FLNB: variants seen among roughly 807,000 people sequenced by gnomAD.
FLNB encodes the protein filamin B, also known as filamin-B.
In FLNB, 111 loss-of-function variants were observed where a neutral mutation model predicts 250.6. The observed-to-expected ratio is 0.44, with a 90% confidence interval of 0.38 to 0.52. The LOEUF is 0.52. FLNB is among the 20% of genes least tolerant of loss of function. The pLI is 0.00. For synonymous variants in FLNB, 1,302 were observed against 1,372.1 expected (o/e 0.95, Z 1.13); for missense variants, 2,869 against 3,447.8 (o/e 0.83, Z 4.20).
At position 58,123,702 on chromosome 3, in the gene FLNB, TTAAAAAAAA is replaced by T; in HGVS notation, c.3724+13_3724+21del. 1 of 1,406,662 alleles carries T rather than the reference TTAAAAAAAA, an allele frequency of 7.1e-7. No individual in the cohort carries two copies. The highest frequency in any genetic ancestry group is 9.4e-7 in the Non-Finnish European group (1 of 1,058,462). The allele number at this position is 1,406,662 out of a possible 1,614,324, so 87.1% of individuals were successfully genotyped here. A position where few individuals can be genotyped will look rare whatever the true frequency, so the allele number is the denominator to read the frequency against. On this transcript the variant is annotated intron_variant, in intron 21 of 45. Transcript: ENST00000295956. ...AATAGAAGGGAAAGGTGGGTTTCAT[TTAAAAAAAA>T]AAAAAAAAAAAAAAAGACAAGCTGG...
intron 16 of FLNB, among the ~76,000 whole-genome samples, chr3:58,110,750 A>G (rs1326940546): frequency 6.6e-6 from 1 of 152,136 alleles, no homozygotes; most frequent in Admixed American, 6.5e-5. Context: ...CTGGCCACTC[A>G]GCTAATTGTT....
At chr3:58,056,277 T>C (rs767713052) in intron 1 of FLNB, among the ~76,000 whole-genome samples, 4 of 151,714 alleles carry the variant, frequency 2.6e-5, no homozygotes, top group Non-Finnish European at 4.4e-5. Flanking sequence ...AATTTTTGTA[T>C]TTTTAATAGA....
intron 1 of FLNB, among the ~76,000 whole-genome samples, chr3:58,011,489 AG>A (rs1229044449): frequency 2.0e-5 from 3 of 152,152 alleles, no homozygotes; most frequent in African/African-American, 7.2e-5. Flanking sequence ...TGCAACAAAC[AG>A]GTTTTCCAGC....
chr3:58,093,467 T>C lies in FLNB; in HGVS notation c.788-1369T>C, dbSNP rs147549602. Reference sequence around the variant, plus strand: ...TAAGCTTCTGATCATGACTTGGTCTTTCTGTTGATTAGCCACATCTTGAAA... The same window carrying C: ...TAAGCTTCTGATCATGACTTGGTCTCTCTGTTGATTAGCCACATCTTGAAA... On this transcript the variant is annotated intron_variant, in intron 4 of 45. Transcript: ENST00000295956. Among the ~76,000 whole-genome samples the C allele has an allele frequency of 4.6e-5, 7 of 152,306 alleles. No individual in the cohort carries two copies. In the East Asian group the frequency reaches 1.3e-3, roughly 29 times the overall value.
At chr3:58,131,327 A>G (rs1162081514) in intron 25 of FLNB, among the ~76,000 whole-genome samples, 3 of 152,232 alleles carry the variant, frequency 2.0e-5, no homozygotes, top group Non-Finnish European at 2.9e-5. Flanking sequence ...TGCCAGGCAC[A>G]TGATGCACGT....
chr3:58,045,999 C>CA (rs34327981), intron 1 of FLNB, among the ~76,000 whole-genome samples: 4,784 of 68,664 alleles, frequency 0.07, 234 homozygotes, highest in East Asian at 0.36. Flanking sequence ...ACTCCGTCTC[C>CA]AAAAAAAAAA....
intron 25 of FLNB, among the ~76,000 whole-genome samples, chr3:58,131,376 AG>A (rs1308562473): frequency 6.6e-6 from 1 of 152,074 alleles, no homozygotes; most frequent in African/African-American, 2.4e-5. Context: ...CCCCAGAGAG[AG>A]AGTGTGTCTT....
chr3:58,008,457 T>A lies in FLNB; in HGVS notation c.-108T>A. Reference sequence around the variant, plus strand: ...CGGCCGTGGCTCCGGTAGCAGCAAGTTCGAACCCCGCTCCCGCTCCGCTTC... The same window carrying A: ...CGGCCGTGGCTCCGGTAGCAGCAAGATCGAACCCCGCTCCCGCTCCGCTTC... On this transcript the variant is annotated 5_prime_UTR_variant, in exon 1 of 46. Transcript: ENST00000295956. 7.3e-7 allele frequency: 1 copy of A among 1,362,440 alleles called. No homozygotes were observed. Among genetic ancestry groups the A allele is most frequent in the East Asian group, 2.5e-5 (1 of 39,984 alleles). The allele number at this position is 1,362,440 out of a possible 1,614,324, so 84.4% of individuals were successfully genotyped here. A position where few individuals can be genotyped will look rare whatever the true frequency, so the allele number is the denominator to read the frequency against.
At chr3:58,159,525 A>G (rs1279030241) in intron 41 of FLNB, 29 bp from the exon 42 acceptor site, 1 of 1,613,652 alleles carries the variant, frequency 6.2e-7, no homozygotes, top group Non-Finnish European at 8.5e-7. Context: ...GCCGAGGGCC[A>G]TAACCTGTCT....
Position 58,136,032 on chromosome 3 carries a change from G to C in FLNB, c.4725G>C (p.Thr1575=), listed in dbSNP as rs762930994. The part of the protein sequence containing the change: ...RAIVHDNKDG[T]YAVTYIPDKT... Reference sequence around the variant, plus strand: ...TTGTCCATGACAATAAAGATGGCACGTATGCTGTCACCTACATCCCCGACA... The same window carrying C: ...TTGTCCATGACAATAAAGATGGCACCTATGCTGTCACCTACATCCCCGACA... Residue 1575 remains threonine, a synonymous_variant, in exon 28 of 46, where the codon ACG becomes ACC. Transcript: ENST00000295956. 2 of 1,614,100 alleles carry C rather than the reference G, an allele frequency of 1.2e-6. No individual in the cohort carries two copies. The highest frequency in any genetic ancestry group is 1.7e-6 in the Non-Finnish European group (2 of 1,180,048).
At chr3:58,168,230 C>T (rs903567020) in intron 43 of FLNB, among the ~76,000 whole-genome samples, 1 of 152,188 alleles carries the variant, frequency 6.6e-6, no homozygotes, top group Non-Finnish European at 1.5e-5. Context: ...CAGCCATGCT[C>T]CTCCTGCCTT....
chr3:58,137,127 T>G (rs2097317544), intron 28 of FLNB, among the ~76,000 whole-genome samples: 1 of 151,918 alleles, frequency 6.6e-6, no homozygotes, highest in South Asian at 2.1e-4. Flanking sequence ...TACTTCTTTT[T>G]AAATAAGAAG....
chr3:58,023,007 G>T (rs2097116321), intron 1 of FLNB, among the ~76,000 whole-genome samples: 1 of 151,414 alleles, frequency 6.6e-6, no homozygotes, highest in Non-Finnish European at 1.5e-5. Context: ...GTAGAGACGG[G>T]GTTTCACCAT....
rs568851497 is a variant in FLNB at position 58,170,795 on chromosome 3, G to A, written c.*33G>A. ...TTCTCAAATCCTGGAGAGAGTTCTT[G>A]TGGTTGCTTTTGTTGCTTGTTTGTA... On this transcript the variant is annotated 3_prime_UTR_variant, in exon 46 of 46. Coordinates refer to ENST00000295956, the MANE Select transcript of FLNB (RefSeq NM_001457.4). 1.3e-6 allele frequency: 2 copies of A among 1,599,978 alleles called. No homozygotes were observed. Among genetic ancestry groups the A allele is most frequent in the African/African-American group, 2.7e-5 (2 of 74,808 alleles).
intron 5 of FLNB, among the ~76,000 whole-genome samples, 164 bp from the exon 6 acceptor site, chr3:58,095,977 A>T (rs574163893): frequency 6.6e-6 from 1 of 152,164 alleles, no homozygotes; most frequent in Non-Finnish European, 1.5e-5. Context: ...TGTTTCTGTG[A>T]CTTCAAGCAG....
intron 19 of FLNB, among the ~76,000 whole-genome samples, chr3:58,120,477 C>T (rs1351452194): frequency 1.3e-5 from 2 of 152,192 alleles, no homozygotes; most frequent in African/African-American, 4.8e-5. Flanking sequence ...GCCCTGTGTT[C>T]CCAGTGCTTT....
In FLNB at chr3:58,123,166, G is replaced by C; in HGVS notation, c.3200G>C (p.Gly1067Ala). The C allele has an allele frequency of 2.5e-6, 4 of 1,614,162 alleles. No individual in the cohort carries two copies. The highest frequency in any genetic ancestry group is 3.4e-6 in the Non-Finnish European group (4 of 1,179,996). Residue 1067 changes from glycine to alanine, a missense_variant, in exon 21 of 46, where the codon GGA (glycine) becomes GCA (alanine). Physicochemically the swap from Gly to Ala is moderately conservative, Grantham distance 60. Transcript: ENST00000295956. ...KPAEFTIDTK[G>A]AGTGGLGLTV... The stretch of plus-strand genomic sequence containing the variant: ...GCCGAGTTCACCATCGATACCAAAG[G>C]AGCTGGTACTGGAGGTCTGGGCTTA...
At chr3:58,074,903 A>T (rs1431973448) in intron 1 of FLNB, among the ~76,000 whole-genome samples, 1 of 152,170 alleles carries the variant, frequency 6.6e-6, no homozygotes, top group East Asian at 1.9e-4. Context: ...TTTCCAGGTT[A>T]GATGATCGAG....
intron 1 of FLNB, among the ~76,000 whole-genome samples, chr3:58,025,125 C>CTTTTT (rs2097121557): frequency 1.8e-5 from 1 of 56,530 alleles, no homozygotes; most frequent in Non-Finnish European, 2.8e-5. Context: ...TTTCTTCTTT[C>CTTTTT]TTTCTTTCTT....
Sources: allele counts gnomAD v4.1 joint callset (sites outside exome capture counted in the v4.1 genomes callset), GRCh38; gene constraint gnomAD v4.1.1; transcripts MANE v1.5; gene names NCBI Gene and HGNC (gene_info 2026-07-23, HGNC 2026-07-21).